Variants in DOP1B observed in about 807,000 individuals in gnomAD.
DOP1B encodes DOP1 leucine zipper like protein B, also known as protein DOP1B.
Under a neutral mutation model 233.5 loss-of-function variants are expected in DOP1B, and 174 were observed. The ratio of observed to expected loss-of-function variants is 0.75; its 90% CI spans 0.66 to 0.85. DOP1B has a LOEUF of 0.85. Among genes scored for constraint, DOP1B ranks in the 40% least tolerant of loss-of-function variants. The pLI, the probability that DOP1B is intolerant of heterozygous loss-of-function variation, is 0.00. For missense variants in DOP1B, 2,652 were observed against 2,846.6 expected (o/e 0.93, Z 1.56); for synonymous variants, 1,190 against 1,185.6 (o/e 1.00, Z -0.08).
intron 22 of DOP1B, among the ~76,000 whole-genome samples, 198 bp from the exon 23 acceptor site, chr21:36,253,574 C>T (rs557230988): frequency 1.6e-4 from 24 of 148,732 alleles, no homozygotes; most frequent in Non-Finnish European, 2.4e-4. Context: ...CTTAGCTGGG[C>T]GTGGTGGTGG....
rs753188995 is a variant in DOP1B, at chr21:36,204,363, C to G, written c.491+3862C>G. Among the ~76,000 whole-genome samples the G allele has an allele frequency of 2.2e-4, 33 of 152,264 alleles. No individual in the cohort carries two copies. The South Asian group carries it at 2.5e-3, about 11-fold the overall frequency. On this transcript the variant is annotated intron_variant, in intron 4 of 36. Transcript: ENST00000691173. Reference sequence around the variant, plus strand: ...CCATAGTACAGAGTTTCCATGATGTCCTGTCCCATTAAAGAGTTACCCACA... The same window carrying G: ...CCATAGTACAGAGTTTCCATGATGTGCTGTCCCATTAAAGAGTTACCCACA...
At chr21:36,277,149 C>T (rs751574240) in intron 28 of DOP1B, 49 bp downstream of exon 28, 9 of 1,583,664 alleles carry the variant, frequency 5.7e-6, no homozygotes, top group Middle Eastern at 1.7e-4. Flanking sequence ...AGCGCCATCA[C>T]GAATTGTTGC....
intron 2 of DOP1B, among the ~76,000 whole-genome samples, chr21:36,197,210 G>T (rs117612059): frequency 0.039 from 5,949 of 152,136 alleles, 164 homozygotes; most frequent in Non-Finnish European, 0.055. Flanking sequence ...AGGATTATAG[G>T]TGTGAGCCAC....
intron 4 of DOP1B, among the ~76,000 whole-genome samples, chr21:36,208,061 C>G (rs983635299): frequency 6.6e-6 from 1 of 152,142 alleles, no homozygotes; most frequent in Non-Finnish European, 1.5e-5. Context: ...AGATAAGAGG[C>G]GAACAAATGC....
At position 36,247,562 on chromosome 21, in the gene DOP1B, C is replaced by T; in HGVS notation, c.4743C>T (p.Thr1581=). The T allele has an allele frequency of 1.2e-6, 2 of 1,610,886 alleles. No individual in the cohort carries two copies. The highest frequency in any genetic ancestry group is 1.1e-5 in the South Asian group (1 of 90,078). ...ACATTTCTCCAGATTATCCACTCAC[C>T]CTTCTAGAAGGTCTAACGACCATTA... ...RENISPDYPL[T]LLEGLTTISH... Residue 1581 remains threonine (T), a synonymous_variant, in exon 20 of 37, where the codon ACC becomes ACT. Transcript: ENST00000691173.
chr21:36,285,307 G>A (rs553849652), intron 32 of DOP1B, among the ~76,000 whole-genome samples: 8 of 152,100 alleles, frequency 5.3e-5, no homozygotes, highest in Non-Finnish European at 1.2e-4. Context: ...TGATCCACCC[G>A]CCTCAGCCTC....
intron 14 of DOP1B, among the ~76,000 whole-genome samples, 180 bp from the exon 15 acceptor site, chr21:36,232,624 A>G (rs1158525809): frequency 6.6e-6 from 1 of 152,024 alleles, no homozygotes; most frequent in African/African-American, 2.4e-5. Flanking sequence ...TCTTAATTTG[A>G]TTACCTCTGT....
chr21:36,187,207 T>C (rs62229325), intron 2 of DOP1B, among the ~76,000 whole-genome samples: 35,292 of 139,302 alleles, frequency 0.25, 4,573 homozygotes, highest in African/African-American at 0.34. Flanking sequence ...CTCCCCTCCC[T>C]TCCCCTCCTC....
chr21:36,189,292 A>G (rs1226606214), intron 2 of DOP1B, among the ~76,000 whole-genome samples: 1 of 152,252 alleles, frequency 6.6e-6, no homozygotes, highest in African/African-American at 2.4e-5. Flanking sequence ...GCCTATGCAT[A>G]TAATGAGGTC....
rs1372252726 is a variant in DOP1B, at chr21:36,199,109, C to A, written c.178C>A (p.Arg60=). The A allele has an allele frequency of 3.7e-6, 6 of 1,614,024 alleles. No homozygotes were observed. Among genetic ancestry groups the A allele is most frequent in the Non-Finnish European group, 5.1e-6 (6 of 1,179,986 alleles). ...CCTGAGGTACTCCTTGTTGCCAAGA[C>A]GGCTCCTCATCAGCAAAAGATTAGC... The part of the protein sequence containing the change: ...SNLRYSLLPR[R]LLISKRLAQC... Residue 60 remains arginine, a synonymous_variant, in exon 3 of 37, where the codon CGG becomes AGG. Transcript: ENST00000691173.
intron 22 of DOP1B, among the ~76,000 whole-genome samples, chr21:36,252,087 G>A (rs140091717): frequency 1.3e-5 from 2 of 152,040 alleles, no homozygotes; most frequent in East Asian, 3.9e-4. Flanking sequence ...TAAGGTGGGA[G>A]GATCACTTGA....
intron 2 of DOP1B, among the ~76,000 whole-genome samples, chr21:36,180,885 CAAA>C (rs60982930): frequency 7.4e-6 from 1 of 134,798 alleles, no homozygotes; most frequent in Non-Finnish European, 1.6e-5. Context: ...GACTGTGTCT[CAAA>C]AAAAAAAAAA....
rs2066970776 is a variant in DOP1B, at chr21:36,246,749, G to A, written c.4697+72G>A. The A allele has an allele frequency of 3.3e-6, 5 of 1,523,742 alleles. No homozygotes were observed. Among genetic ancestry groups the A allele is most frequent in the South Asian group, 1.3e-5 (1 of 79,104 alleles). The allele number at this position is 1,523,742 out of a possible 1,614,324, so 94.4% of individuals were successfully genotyped here. A position where few individuals can be genotyped will look rare whatever the true frequency, so the allele number is the denominator to read the frequency against. ...TTATAACGAATGACTGTTTTGCCACGGATGTGGATGTCGGTTGGAGGATAA... is the reference window on the plus strand; with the variant it reads ...TTATAACGAATGACTGTTTTGCCACAGATGTGGATGTCGGTTGGAGGATAA... On this transcript the variant is annotated intron_variant, in intron 19 of 36. Coordinates refer to ENST00000691173, the MANE Select transcript of DOP1B (RefSeq NM_001320714.2). The surrounding 1 kb of genome is among the most constrained non-coding windows in gnomAD (Gnocchi z 5.1).
At chr21:36,213,273 G>A (rs1446346907) in intron 7 of DOP1B, among the ~76,000 whole-genome samples, 3 of 152,108 alleles carry the variant, frequency 2.0e-5, no homozygotes, top group Non-Finnish European at 4.4e-5. Flanking sequence ...CTGCTCCTAC[G>A]GGACTTGATA....
Position 36,211,545 on chromosome 21 carries a change from G to A in DOP1B, c.682-8G>A, listed in dbSNP as rs770879621. On this transcript the variant is annotated splice_polypyrimidine_tract_variant and splice_region_variant and intron_variant, in intron 5 of 36. Transcript: ENST00000691173. Reference sequence around the variant, plus strand: ...CTGAAAATGCTAGTGCCGTTTGATCGTTTACAGGTGAAGTCTTTGCGTGCC... The same window carrying A: ...CTGAAAATGCTAGTGCCGTTTGATCATTTACAGGTGAAGTCTTTGCGTGCC... 3.7e-6 allele frequency: 6 copies of A among 1,613,222 alleles called. No homozygotes were observed. Among genetic ancestry groups the A allele is most frequent in the Admixed American group, 3.3e-5 (2 of 59,998 alleles).
chr21:36,191,313 G>A (rs1393363726), intron 2 of DOP1B, among the ~76,000 whole-genome samples: 1 of 151,558 alleles, frequency 6.6e-6, no homozygotes, highest in Non-Finnish European at 1.5e-5. Context: ...ACACCCTGAA[G>A]AGGGAATCAG....
At chr21:36,244,946 T>C (rs2066937257) in intron 18 of DOP1B, 102 bp from the exon 19 acceptor site, 1 of 1,204,924 alleles carries the variant, frequency 8.3e-7, no homozygotes, top group Non-Finnish European at 1.1e-6. Context: ...ATTTTAGGAA[T>C]ATTGATCTTT....
intron 2 of DOP1B, chr21:36,169,933 G>C (rs2065956748): frequency 1.3e-6 from 1 of 771,106 alleles, no homozygotes; most frequent in African/African-American, 1.7e-5. Context: ...AACCACCATA[G>C]GTGGTGTCTC....
chr21:36,230,591 C>T lies in DOP1B; in HGVS notation c.1807C>T (p.His603Tyr). The stretch of plus-strand genomic sequence containing the variant: ...TGCCTCGTCACCGGAGCTCTCTGAG[C>T]ACTTGAGGGTTCCTCGAGTTTCTCT... The part of the protein sequence containing the change: ...LSASSPELSE[H>Y]LRVPRVSLER... Residue 603 changes from histidine to tyrosine, a missense_variant, in exon 14 of 37, where the codon CAC becomes TAC. Transcript: ENST00000691173. 6.2e-7 allele frequency: 1 copy of T among 1,614,200 alleles called. No homozygotes were observed. The highest frequency in any genetic ancestry group is 8.5e-7 in the Non-Finnish European group (1 of 1,180,044).
Sources: gnomAD v4.1 joint callset for allele counts (sites outside exome capture counted in the v4.1 genomes callset) on GRCh38, gnomAD v4.1.1 for gene constraint, Gnocchi (gnomAD v3.1) non-coding constraint, MANE v1.5 for transcripts, NCBI Gene and HGNC (gene_info 2026-07-23, HGNC 2026-07-21) for gene names.